The following GSDMC variants were observed in gnomAD, a reference collection of about 807,000 sequenced individuals.
GSDMC encodes gasdermin-C.
In GSDMC, 59 loss-of-function variants were observed where a neutral mutation model predicts 58.0. The observed-to-expected ratio is 1.02, with a 90% confidence interval of 0.82 to 1.26. GSDMC has a LOEUF of 1.26. Among genes scored for constraint, GSDMC ranks in the 50% most tolerant of loss-of-function variants. The pLI, the probability that GSDMC is intolerant of heterozygous loss-of-function variation, is 0.00. For missense variants in GSDMC, 659 were observed against 598.5 expected (o/e 1.10, Z -1.06); for synonymous variants, 241 against 220.2 (o/e 1.09, Z -0.83).
chr8:129,761,683 T>C lies in GSDMC; in HGVS notation c.676+943A>G, dbSNP rs186840789. Among the ~76,000 whole-genome samples the C allele has an allele frequency of 2.9e-4, 44 of 152,322 alleles. 1 individual carries two copies. In the East Asian group the frequency reaches 8.1e-3, roughly 28 times the overall value. Reference sequence around the variant, plus strand: ...CCTTTGATAGTGCCACCATCTCCTGTTGCCCTCAGCAGGACTCTCTGACCT... The same window carrying C: ...CCTTTGATAGTGCCACCATCTCCTGCTGCCCTCAGCAGGACTCTCTGACCT... On this transcript the variant is annotated intron_variant, in intron 5 of 13. Transcript: ENST00000276708.
At chr8:129,721,809 C>T in the GSDMC span, among the ~76,000 whole-genome samples, 1 of 152,166 alleles carries the variant, frequency 6.6e-6, no homozygotes, top group African/African-American at 2.4e-5. Flanking sequence ...TAAGAGGATA[C>T]CTCACTCATG....
chr8:129,749,572 A>G lies in GSDMC; in HGVS notation c.1214-47T>C, dbSNP rs186250879. On this transcript the variant is annotated intron_variant, in intron 12 of 13. Coordinates refer to ENST00000276708, the MANE Select transcript of GSDMC (RefSeq NM_031415.3). ...GGAAAGACAGTAGTGAAGAATCCAGATTTTTCCTCCCACCATAAAGCAGGA... is the reference window on the plus strand; with the variant it reads ...GGAAAGACAGTAGTGAAGAATCCAGGTTTTTCCTCCCACCATAAAGCAGGA... 650 of 1,416,068 alleles carry G rather than the reference A, an allele frequency of 4.6e-4. 9 individuals are homozygous for G. The East Asian group carries it at 0.01, about 22-fold the overall frequency. The allele number at this position is 1,416,068 out of a possible 1,614,324, so 87.7% of individuals were successfully genotyped here. A position where few individuals can be genotyped will look rare whatever the true frequency, so the allele number is the denominator to read the frequency against.
chr8:129,748,669 G>A lies in GSDMC; in HGVS notation c.1359C>T (p.Leu453=), dbSNP rs373227533. 40 of 1,608,554 alleles carry A rather than the reference G, an allele frequency of 2.5e-5. No individual in the cohort carries two copies. The highest frequency in any genetic ancestry group is 1.7e-4 in the South Asian group (15 of 90,064). ...CCAAACCCTCACTCTGGAGTGGGGC[G>A]AGGAGCTCAGGTTTGAGGGTGAAGG... The part of the protein sequence containing the change: ...SIPFTLKPEL[L]APLQSEGLAI... Residue 453 remains leucine, a synonymous_variant, in exon 14 of 14, where the codon CTC becomes CTT. Transcript: ENST00000276708.
At chr8:129,781,578 A>G (rs147795429) in intron 1 of GSDMC, among the ~76,000 whole-genome samples, 2,140 of 152,188 alleles carry the variant, frequency 0.014, 48 homozygotes, top group African/African-American at 0.05. Flanking sequence ...CCCTGTCTCT[A>G]TTAAAAACAC....
chr8:129,709,621 T>C, the GSDMC span, among the ~76,000 whole-genome samples: 2 of 151,742 alleles, frequency 1.3e-5, no homozygotes, highest in Non-Finnish European at 2.9e-5. Flanking sequence ...GATAGATAGA[T>C]AGATAGATAG....
intron 13 of GSDMC, among the ~76,000 whole-genome samples, 172 bp downstream of exon 13, chr8:129,749,280 G>C (rs2033070797): frequency 6.6e-6 from 1 of 152,112 alleles, no homozygotes; most frequent in African/African-American, 2.4e-5. Flanking sequence ...ATACCCACTG[G>C]ACCAGGTCTC....
At chr8:129,784,347 A>T (rs925735074) in intron 1 of GSDMC, among the ~76,000 whole-genome samples, 10 of 152,200 alleles carry the variant, frequency 6.6e-5, no homozygotes, top group East Asian at 1.9e-4. Context: ...TTCCCATCTG[A>T]TAAGGGAATA....
At chr8:129,717,073 A>G in the GSDMC span, among the ~76,000 whole-genome samples, 1 of 152,046 alleles carries the variant, frequency 6.6e-6, no homozygotes, top group African/African-American at 2.4e-5. Flanking sequence ...TTGGCCTGAA[A>G]TTTTTTGTTG....
intron 1 of GSDMC, among the ~76,000 whole-genome samples, chr8:129,784,056 T>G (rs1051657746): frequency 2.6e-5 from 4 of 152,200 alleles, no homozygotes; most frequent in South Asian, 2.1e-4. Context: ...AGACTGAAAC[T>G]AGACCACTCT....
At chr8:129,751,697 T>C (rs1231771276) in intron 9 of GSDMC, 129 bp from the exon 10 acceptor site, 3 of 1,094,572 alleles carry the variant, frequency 2.7e-6, no homozygotes, top group Non-Finnish European at 4.2e-6. Context: ...CCCATTCCCA[T>C]TCATCCTCCA....
intron 1 of GSDMC, among the ~76,000 whole-genome samples, chr8:129,785,598 T>C (rs1478037916): frequency 2.0e-5 from 3 of 152,060 alleles, no homozygotes; most frequent in Admixed American, 2.0e-4. Flanking sequence ...GTTACAATTA[T>C]AACAAATAGG....
At chr8:129,753,019 C>A in intron 6 of GSDMC, 199 bp from the exon 7 acceptor site, 1 of 968,592 alleles carries the variant, frequency 1.0e-6, no homozygotes, top group Non-Finnish European at 1.5e-6. Flanking sequence ...TTGCAAATGC[C>A]AGCCAAAGAG....
At chr8:129,722,998 A>G in the GSDMC span, 2 of 152,232 alleles carry the variant, frequency 1.3e-5, no homozygotes, top group Non-Finnish European at 2.9e-5. Flanking sequence ...TTTCTGTGCC[A>G]TTCCCATTTC....
chr8:129,760,331 T>C (rs935725381), intron 6 of GSDMC, among the ~76,000 whole-genome samples: 1 of 152,078 alleles, frequency 6.6e-6, no homozygotes, highest in Non-Finnish European at 1.5e-5. Context: ...TCAAAATAAT[T>C]TAATTGTACA....
rs142330937 is a variant in GSDMC, at chr8:129,764,897, C to T, written c.570+731G>A. Among the ~76,000 whole-genome samples the T allele has an allele frequency of 2.3e-3, 357 of 152,244 alleles. 1 individual carries two copies. The highest frequency in any genetic ancestry group is 7.0e-3 in the African/African-American group (291 of 41,542). On this transcript the variant is annotated intron_variant, in intron 4 of 13. Coordinates refer to ENST00000276708, the MANE Select transcript of GSDMC (RefSeq NM_031415.3). ...TTTCTTCCCTGCTGCAGGTGGGGGT[C>T]CACTATTCCTGCTTTCCAGGGTCTG...
the GSDMC span, among the ~76,000 whole-genome samples, chr8:129,712,476 G>C: frequency 6.6e-6 from 1 of 152,092 alleles, no homozygotes. Context: ...GCAGTCACAG[G>C]AATATAAAGC....
intron 1 of GSDMC, among the ~76,000 whole-genome samples, chr8:129,779,016 G>A (rs1328134755): frequency 3.3e-5 from 5 of 152,212 alleles, no homozygotes; most frequent in Admixed American, 2.0e-4. Context: ...TGATGGGAAT[G>A]TAAATTAGTT....
intron 5 of GSDMC, among the ~76,000 whole-genome samples, chr8:129,760,909 T>C (rs2033634898): frequency 2.6e-5 from 4 of 152,198 alleles, no homozygotes. Flanking sequence ...ACTCTCAATT[T>C]GGCATCTTCT....
chr8:129,776,058 CT>C lies in GSDMC; in HGVS notation c.404+43del, dbSNP rs767058563. The C allele has an allele frequency of 5.5e-6, 8 of 1,461,842 alleles. No homozygotes were observed. The South Asian group carries it at 8.6e-5, about 16-fold the overall frequency. The allele number at this position is 1,461,842 out of a possible 1,614,324, so 90.6% of individuals were successfully genotyped here. A position where few individuals can be genotyped will look rare whatever the true frequency, so the allele number is the denominator to read the frequency against. On this transcript the variant is annotated intron_variant, in intron 3 of 13. Transcript: ENST00000276708. ...TTTTTGTGTTCAAGGAAAACACCCC[CT>C]GGGATACTGATGATCCATCCCCTTC...
Sources: allele counts gnomAD v4.1 joint callset (sites outside exome capture counted in the v4.1 genomes callset), GRCh38; gene constraint gnomAD v4.1.1; transcripts MANE v1.5; gene names NCBI Gene and HGNC (gene_info 2026-07-23, HGNC 2026-07-21).